RYR2: variants seen among roughly 807,000 people sequenced by gnomAD.
The protein encoded by RYR2 is ryanodine receptor 2.
Under a neutral mutation model 601.1 loss-of-function variants are expected in RYR2, and 227 were observed. The ratio of observed to expected loss-of-function variants is 0.38; its 90% CI spans 0.34 to 0.42. RYR2 has a LOEUF of 0.42. RYR2 is among the 10% of genes least tolerant of loss of function. RYR2 has a pLI of 1.00. For synonymous variants in RYR2, 2,223 were observed against 2,175.1 expected, an observed-to-expected ratio of 1.02 and a Z score of -0.61; for missense variants, 4,646 against 6,156.5, an observed-to-expected ratio of 0.75 and a Z score of 8.21.
chr1:237,808,292 A>G (rs1171711682), intron 99 of RYR2, among the ~76,000 whole-genome samples: 2 of 152,230 alleles, frequency 1.3e-5, no homozygotes, highest in Non-Finnish European at 2.9e-5. Context: ...TTGAAAATTT[A>G]AAAATAATTT....
Position 237,075,388 on chromosome 1 carries a change from C to A in RYR2, c.48+32819C>A, listed in dbSNP as rs554739042. On this transcript the variant is annotated intron_variant, in intron 1 of 104. Transcript: ENST00000366574. Reference sequence around the variant, plus strand: ...ACCCGGTTCATCTCACTAGGGAGTGCCAGACAGTGGGCGCAGGCCAGTGTG... The same window carrying A: ...ACCCGGTTCATCTCACTAGGGAGTGACAGACAGTGGGCGCAGGCCAGTGTG... 6.2e-4 allele frequency among the ~76,000 whole-genome samples: 91 copies of A among 146,746 alleles called. 1 individual carries two copies. The highest frequency in any genetic ancestry group is 6.1e-3 in the Admixed American group (90 of 14,688).
intron 17 of RYR2, 32 bp from the exon 18 acceptor site, chr1:237,491,774 T>C (rs773451507): frequency 1.9e-6 from 2 of 1,043,614 alleles, no homozygotes; most frequent in Admixed American, 2.1e-5. Flanking sequence ...TAATCATGTG[T>C]TTTTTTTCCT....
intron 25 of RYR2, among the ~76,000 whole-genome samples, chr1:237,542,414 G>A (rs886427505): frequency 2.6e-5 from 4 of 152,106 alleles, no homozygotes; most frequent in East Asian, 1.9e-4. Context: ...AATATTTGAC[G>A]GTGAAATTGA....
chr1:237,368,336 C>G lies in RYR2; in HGVS notation c.310-1198C>G, dbSNP rs56767389. 6.2e-3 allele frequency among the ~76,000 whole-genome samples: 936 copies of G among 152,120 alleles called. 17 individuals carry two copies. The highest frequency in any genetic ancestry group is 0.02 in the African/African-American group (842 of 41,484). ...ACTAATAGAAAAAAACTACTGGAGG[C>G]TTTCCTATTAAAAAGGCTTTATAAG... is the stretch of plus-strand genomic sequence containing the variant. On this transcript the variant is annotated intron_variant, in intron 5 of 104. Transcript: ENST00000366574.
rs1249302196 is a variant in RYR2, at chr1:237,667,855, A to C, written c.8515-28A>C. The C allele has an allele frequency of 3.3e-6, 5 of 1,511,308 alleles. No individual in the cohort carries two copies. In the East Asian group the frequency reaches 7.3e-5, roughly 22 times the overall value. The allele number at this position is 1,511,308 out of a possible 1,614,324, so 93.6% of individuals were successfully genotyped here. The stretch of plus-strand genomic sequence containing the variant: ...CAATATTATCCTTTTTTACTTATTG[A>C]AACGATAAATATTTTTGTTCATTTA... On this transcript the variant is annotated intron_variant, in intron 57 of 104. Transcript: ENST00000366574.
intron 68 of RYR2, among the ~76,000 whole-genome samples, chr1:237,707,630 C>T (rs182410967): frequency 6.6e-6 from 1 of 152,012 alleles, no homozygotes; most frequent in East Asian, 1.9e-4. Flanking sequence ...GGAGGGTAAA[C>T]CAAAAAAATG....
intron 10 of RYR2, among the ~76,000 whole-genome samples, chr1:237,399,283 A>G (rs902706882): frequency 6.6e-6 from 1 of 152,166 alleles, no homozygotes; most frequent in Admixed American, 6.5e-5. Flanking sequence ...TCAATCCCCA[A>G]AGGTTGCATA....
intron 2 of RYR2, among the ~76,000 whole-genome samples, chr1:237,308,773 G>A (rs192281470): frequency 2.0e-4 from 31 of 152,338 alleles, no homozygotes; most frequent in African/African-American, 5.8e-4. Flanking sequence ...CTTCTACACC[G>A]TGGAAAGGGA....
At chr1:237,336,241 G>A (rs1334726497) in intron 3 of RYR2, among the ~76,000 whole-genome samples, 1 of 151,962 alleles carries the variant, frequency 6.6e-6, no homozygotes, top group Non-Finnish European at 1.5e-5. Context: ...ACTATTAATA[G>A]AAAAATCATT....
chr1:237,800,062 G>A (rs957394411), intron 97 of RYR2: 37 of 152,264 alleles, frequency 2.4e-4, no homozygotes, highest in Admixed American at 2.0e-3. Flanking sequence ...AAACAGCATG[G>A]CTGCCACCTA....
chr1:237,616,314 G>C (rs1678462117), intron 37 of RYR2, among the ~76,000 whole-genome samples: 1 of 152,106 alleles, frequency 6.6e-6, no homozygotes, highest in Admixed American at 6.5e-5. Flanking sequence ...TTCTCTCTTA[G>C]AAATGTTTCT....
intron 2 of RYR2, among the ~76,000 whole-genome samples, chr1:237,302,680 C>T (rs1469937628): frequency 6.6e-6 from 1 of 152,188 alleles, no homozygotes; most frequent in East Asian, 1.9e-4. Flanking sequence ...CTAAATTTAT[C>T]AGACAGACAT....
intron 17 of RYR2, among the ~76,000 whole-genome samples, chr1:237,475,642 G>A (rs6669057): frequency 0.5 from 75,863 of 151,994 alleles, 20,045 homozygotes; most frequent in East Asian, 0.7. Flanking sequence ...TTGACAAACT[G>A]TAACTGTATA....
intron 14 of RYR2, among the ~76,000 whole-genome samples, chr1:237,451,594 A>C (rs1658128964): frequency 6.6e-6 from 1 of 151,784 alleles, no homozygotes; most frequent in Non-Finnish European, 1.5e-5. Context: ...AAAAAAAAAA[A>C]AAAATTGAAG....
chr1:237,414,632 G>A (rs1035364136), intron 10 of RYR2, among the ~76,000 whole-genome samples: 23 of 152,090 alleles, frequency 1.5e-4, no homozygotes, highest in Admixed American at 5.2e-4. Context: ...CAAATCAGCC[G>A]TTGGCATGTA....
intron 3 of RYR2, among the ~76,000 whole-genome samples, chr1:237,342,390 G>A (rs1440860585): frequency 6.7e-6 from 1 of 148,894 alleles, no homozygotes. Context: ...CTGACCTTAA[G>A]TGATCCTCCC....
chr1:237,384,897 A>AT (rs112373995), intron 8 of RYR2, among the ~76,000 whole-genome samples: 23,644 of 150,572 alleles, frequency 0.16, 2,033 homozygotes, highest in East Asian at 0.37. Flanking sequence ...TTATTATTTT[A>AT]TTTTTTTTTG....
At chr1:237,190,225 T>C (rs6694250) in intron 1 of RYR2, among the ~76,000 whole-genome samples, 82,162 of 151,808 alleles carry the variant, frequency 0.54, 23,657 homozygotes, top group African/African-American at 0.75. Flanking sequence ...ATTTTACATT[T>C]CCACCAACAG....
chr1:237,711,559 A>G (rs1688843713), intron 70 of RYR2, among the ~76,000 whole-genome samples, 186 bp from the exon 71 acceptor site: 1 of 152,242 alleles, frequency 6.6e-6, no homozygotes, highest in Admixed American at 6.5e-5. Flanking sequence ...TATCTAGTTC[A>G]CAGAATTCTT....
Sources: gnomAD v4.1 joint callset for allele counts (sites outside exome capture counted in the v4.1 genomes callset) on GRCh38, gnomAD v4.1.1 for gene constraint, MANE v1.5 for transcripts, NCBI Gene and HGNC (gene_info 2026-07-23, HGNC 2026-07-21) for gene names.